Variants in GSG1L observed in about 807,000 individuals in gnomAD.
The protein encoded by GSG1L is GSG1 like, also known as germ cell-specific gene 1-like protein.
In GSG1L, 24 loss-of-function variants were observed where a neutral mutation model predicts 42.1. The observed-to-expected ratio is 0.57, with a 90% CI of 0.41 to 0.80. GSG1L has a LOEUF of 0.80. Ranked by LOEUF, GSG1L falls within the 30% of genes least tolerant of loss-of-function variation. GSG1L has a pLI of 0.00. For synonymous variants in GSG1L, 215 were observed against 203.5 expected (o/e 1.06, Z -0.48); for missense variants, 445 against 472.2 (o/e 0.94, Z 0.53).
intron 1 of GSG1L, among the ~76,000 whole-genome samples, chr16:28,021,785 A>G (rs1307102823): frequency 6.6e-6 from 1 of 152,104 alleles, no homozygotes. Context: ...GTCCCCAAAA[A>G]TACTACATAG....
intron 2 of GSG1L, among the ~76,000 whole-genome samples, chr16:27,905,750 C>T (rs544758144): frequency 2.6e-5 from 4 of 152,176 alleles, no homozygotes; most frequent in South Asian, 2.1e-4. Context: ...GGTGGCAGGG[C>T]GGGGCGGGGG....
At chr16:27,813,676 G>A (rs997913655) in intron 5 of GSG1L, among the ~76,000 whole-genome samples, 6 of 152,236 alleles carry the variant, frequency 3.9e-5, no homozygotes, top group South Asian at 2.1e-4. Context: ...CACGGGATCT[G>A]CAGAATCTGC....
intron 2 of GSG1L, among the ~76,000 whole-genome samples, chr16:27,952,038 G>A (rs1423518): frequency 6.6e-6 from 1 of 152,192 alleles, no homozygotes. Context: ...AGGGCACCAA[G>A]AAACAGGAGC....
chr16:27,946,575 A>G (rs201183689), intron 2 of GSG1L, among the ~76,000 whole-genome samples: 205 of 25,298 alleles, frequency 8.1e-3, no homozygotes, highest in Middle Eastern at 0.071. Flanking sequence ...GAAAGAAAGA[A>G]AGAAAGAGAG....
chr16:27,835,881 C>T (rs909987784), intron 4 of GSG1L, among the ~76,000 whole-genome samples: 2 of 152,088 alleles, frequency 1.3e-5, no homozygotes, highest in Non-Finnish European at 1.5e-5. Context: ...CTGCTTCAAC[C>T]ATCAAACATA....
intron 2 of GSG1L, among the ~76,000 whole-genome samples, chr16:27,901,918 G>A (rs1055163715): frequency 1.3e-5 from 2 of 152,182 alleles, no homozygotes; most frequent in African/African-American, 4.8e-5. Flanking sequence ...CACTTGCTGT[G>A]CCCTTGGCCC....
chr16:27,873,070 C>T (rs570434746), intron 3 of GSG1L, among the ~76,000 whole-genome samples: 28 of 152,306 alleles, frequency 1.8e-4, no homozygotes, highest in African/African-American at 4.6e-4. Flanking sequence ...ACCCTCTCTT[C>T]GGGTCTGGAC....
rs60746199 is a variant in GSG1L at position 27,891,884 on chromosome 16, CTT to C, written c.398-7248_398-7247del. 2.4e-4 allele frequency among the ~76,000 whole-genome samples: 18 copies of C among 74,338 alleles called. No homozygotes were observed. In the South Asian group the frequency reaches 3.1e-3, roughly 13 times the overall value. 48.8% of individuals were successfully genotyped at this position (74,338 alleles called of 152,430 possible). ...TCTGCAGGTACCGTCAGTGACAGAT[CTT>C]TTTTTTTTTTTTTTTTTTTTTTAAT... On this transcript the variant is annotated intron_variant, in intron 2 of 6. Coordinates refer to ENST00000447459, the MANE Select transcript of GSG1L (RefSeq NM_001109763.2).
chr16:27,902,433 G>C (rs973229971), intron 2 of GSG1L, among the ~76,000 whole-genome samples: 1 of 152,188 alleles, frequency 6.6e-6, no homozygotes, highest in East Asian at 1.9e-4. Flanking sequence ...ATTCCGCAGA[G>C]AGGCCGATGC....
In GSG1L at chr16:28,063,262, A is replaced by G; in HGVS notation, c.163T>C (p.Ser55Pro). The G allele has an allele frequency of 7.4e-7, 1 of 1,353,536 alleles. No individual in the cohort carries two copies. Among genetic ancestry groups the G allele is most frequent in the South Asian group, 1.6e-5 (1 of 63,688 alleles). The allele number at this position is 1,353,536 out of a possible 1,614,324, so 83.8% of individuals were successfully genotyped here. A position where few individuals can be genotyped will look rare whatever the true frequency, so the allele number is the denominator to read the frequency against. ...CCGTTGGCCGTGGCGTTGGCGCCCG[A>G]GTTGGGGCAGTTGGCGCGCCCGCCC... ...GQGGRANCPN[S>P]GANATANGTA... is the part of the protein sequence containing the mutation. The change falls in exon 1 of 7, where the codon TCG (serine) becomes CCG (proline). Residue 55 changes from serine to proline, a missense_variant. Ser to Pro is a moderately conservative substitution (Grantham distance 74). Coordinates refer to ENST00000447459, the MANE Select transcript of GSG1L (RefSeq NM_001109763.2). The surrounding 1 kb of genome is among the most constrained non-coding windows in gnomAD (Gnocchi z 5.8).
At chr16:27,869,777 C>CCTT (rs2083787020) in intron 3 of GSG1L, among the ~76,000 whole-genome samples, 1 of 133,654 alleles carries the variant, frequency 7.5e-6, no homozygotes. Context: ...CTCCCTCTAG[C>CCTT]TCTCTCTCCT....
At chr16:27,999,045 C>T (rs2085551357) in intron 1 of GSG1L, among the ~76,000 whole-genome samples, 1 of 152,224 alleles carries the variant, frequency 6.6e-6, no homozygotes, top group Non-Finnish European at 1.5e-5. Flanking sequence ...TTGTACATCT[C>T]TCAGTAGCCT....
At chr16:27,949,205 C>T (rs977194516) in intron 2 of GSG1L, among the ~76,000 whole-genome samples, 7 of 150,910 alleles carry the variant, frequency 4.6e-5, no homozygotes, top group East Asian at 2.0e-4. Context: ...CATGAGCCAC[C>T]GCCACTACTC....
chr16:28,008,056 TC>T (rs1353327606), intron 1 of GSG1L, among the ~76,000 whole-genome samples: 4 of 152,032 alleles, frequency 2.6e-5, no homozygotes, highest in African/African-American at 9.7e-5. Context: ...GTAGGTAAGT[TC>T]CCCCAAATAA....
chr16:27,861,136 G>A (rs2083644891), intron 3 of GSG1L, among the ~76,000 whole-genome samples: 1 of 152,234 alleles, frequency 6.6e-6, no homozygotes, highest in African/African-American at 2.4e-5. Flanking sequence ...GGGAGGCCAA[G>A]GCGGGCAGAT....
At chr16:27,971,339 T>C (rs2085191515) in intron 1 of GSG1L, among the ~76,000 whole-genome samples, 2 of 152,326 alleles carry the variant, frequency 1.3e-5, no homozygotes, top group South Asian at 4.1e-4. Context: ...TGTTTTGTAG[T>C]TTTCAGAATA....
intron 2 of GSG1L, among the ~76,000 whole-genome samples, chr16:27,956,578 A>G (rs965705024): frequency 6.6e-6 from 1 of 152,194 alleles, no homozygotes; most frequent in African/African-American, 2.4e-5. Context: ...GGCTGTGGCC[A>G]ATGGGATGTT....
At chr16:27,920,288 C>A (rs982037077) in intron 2 of GSG1L, among the ~76,000 whole-genome samples, 3 of 152,166 alleles carry the variant, frequency 2.0e-5, no homozygotes, top group Non-Finnish European at 2.9e-5. Context: ...AGTCTGTGGG[C>A]TTTTTTGGAC....
At chr16:27,846,883 G>C (rs2083450061) in intron 3 of GSG1L, among the ~76,000 whole-genome samples, 1 of 151,244 alleles carries the variant, frequency 6.6e-6, no homozygotes, top group Non-Finnish European at 1.5e-5. Context: ...TGTGAACCTG[G>C]GAGGCAGAGC....
Sources: allele counts gnomAD v4.1 joint callset (sites outside exome capture counted in the v4.1 genomes callset), GRCh38; gene constraint gnomAD v4.1.1; non-coding constraint Gnocchi (gnomAD v3.1); transcripts MANE v1.5; gene names NCBI Gene and HGNC (gene_info 2026-07-23, HGNC 2026-07-21).